Variants in PLCB4 observed in about 807,000 individuals in gnomAD.
PLCB4 encodes 1-phosphatidylinositol 4,5-bisphosphate phosphodiesterase beta-4.
In PLCB4, 77 loss-of-function variants were observed where a neutral mutation model predicts 178.8. That is an observed-to-expected ratio of 0.43 (90% CI 0.36 to 0.52). PLCB4 has a LOEUF of 0.52. PLCB4 is among the 20% of genes least tolerant of loss of function. PLCB4 has a pLI of 0.00. For synonymous variants in PLCB4, 496 were observed against 490.8 expected, an observed-to-expected ratio of 1.01 and a Z score of -0.14; for missense variants, 1,024 against 1,453.4, an observed-to-expected ratio of 0.70 and a Z score of 4.80.
intron 34 of PLCB4, among the ~76,000 whole-genome samples, chr20:9,459,351 A>AAAAC (rs11472100): frequency 0.11 from 17,285 of 152,042 alleles, 1,265 homozygotes; most frequent in East Asian, 0.29. Flanking sequence ...CTAAAAAAAC[A>AAAAC]AAACAAACAA....
chr20:9,393,795 G>C (rs944733135), intron 18 of PLCB4, 117 bp downstream of exon 18: 9 of 590,236 alleles, frequency 1.5e-5, no homozygotes, highest in African/African-American at 1.5e-4. Context: ...GTGTAGGGGT[G>C]ATGTTACAGG....
intron 1 of PLCB4, among the ~76,000 whole-genome samples, chr20:9,089,432 C>T (rs759132897): frequency 6.6e-6 from 1 of 151,966 alleles, no homozygotes; most frequent in African/African-American, 2.4e-5. Context: ...TACCTTTAAT[C>T]TAATTATAAT....
At chr20:9,177,432 G>A (rs1281972637) in intron 2 of PLCB4, among the ~76,000 whole-genome samples, 1 of 152,174 alleles carries the variant, frequency 6.6e-6, no homozygotes, top group Non-Finnish European at 1.5e-5. Flanking sequence ...ACTGAGACAG[G>A]GCCAAGGTGC....
At chr20:9,459,230 G>A (rs1433171092) in intron 34 of PLCB4, among the ~76,000 whole-genome samples, 1 of 152,144 alleles carries the variant, frequency 6.6e-6, no homozygotes, top group Non-Finnish European at 1.5e-5. Context: ...TGTAATCCCA[G>A]CTACTTGGGA....
At chr20:9,301,661 G>C (rs2094705495) in intron 3 of PLCB4, among the ~76,000 whole-genome samples, 1 of 152,026 alleles carries the variant, frequency 6.6e-6, no homozygotes, top group Non-Finnish European at 1.5e-5. Context: ...TTGAATATTT[G>C]GCCCCTCGAC....
intron 2 of PLCB4, among the ~76,000 whole-genome samples, chr20:9,111,359 TA>T (rs1013418698): frequency 3.4e-4 from 51 of 152,154 alleles, no homozygotes; most frequent in African/African-American, 1.2e-3. Context: ...TTTTCCTACT[TA>T]ATATATTATG....
intron 25 of PLCB4, among the ~76,000 whole-genome samples, chr20:9,418,971 A>T (rs984473378): frequency 4.6e-5 from 7 of 152,172 alleles, no homozygotes; most frequent in Admixed American, 2.0e-4. Flanking sequence ...GTTCATTGTC[A>T]TTGTATAGAA....
chr20:9,414,559 A>G (rs1399365707), intron 25 of PLCB4, among the ~76,000 whole-genome samples: 1 of 152,204 alleles, frequency 6.6e-6, no homozygotes, highest in African/African-American at 2.4e-5. Context: ...GAGGCAAAGA[A>G]TCCCTGTTTT....
chr20:9,259,740 A>C (rs1292071558), intron 3 of PLCB4, among the ~76,000 whole-genome samples: 1 of 152,140 alleles, frequency 6.6e-6, no homozygotes, highest in Non-Finnish European at 1.5e-5. Flanking sequence ...ACTGAAAGGC[A>C]GCTAGTCCAA....
At position 9,168,745 on chromosome 20, in the gene PLCB4, G is replaced by A. The variant is rs2093014752; in HGVS notation, c.-78-48645G>A. Among the ~76,000 whole-genome samples the A allele has an allele frequency of 4.6e-5, 7 of 152,332 alleles. 1 individual carries two copies. In the South Asian group the frequency reaches 1.2e-3, roughly 27 times the overall value. Reference sequence around the variant, plus strand: ...AGTTTGCGAAGCTCATGACTGAGATGTGATTGAGGGGAATCGACTAGCTGG... The same window carrying A: ...AGTTTGCGAAGCTCATGACTGAGATATGATTGAGGGGAATCGACTAGCTGG... On this transcript the variant is annotated intron_variant, in intron 2 of 39. Transcript: ENST00000378473.
In PLCB4 at chr20:9,476,703, T is replaced by G. The variant is rs2044570085; in HGVS notation, c.3496-14T>G. The G allele has an allele frequency of 2.5e-6, 4 of 1,591,604 alleles. No homozygotes were observed. The highest frequency in any genetic ancestry group is 3.4e-6 in the Non-Finnish European group (4 of 1,159,986). On this transcript the variant is annotated splice_polypyrimidine_tract_variant and intron_variant, in intron 38 of 39. Coordinates refer to ENST00000378473, the MANE Select transcript of PLCB4 (RefSeq NM_001377142.1). Reference sequence around the variant, plus strand: ...TATGACTCAATTTTGACATTACTATTTTTGTACAAACAGCTTTTGAAATCC... The same window carrying G: ...TATGACTCAATTTTGACATTACTATGTTTGTACAAACAGCTTTTGAAATCC...
chr20:9,405,872 ACAGG>A (rs2039398260), intron 21 of PLCB4, among the ~76,000 whole-genome samples: 1 of 152,254 alleles, frequency 6.6e-6, no homozygotes, highest in Admixed American at 6.5e-5. Context: ...GCTGACAGCC[ACAGG>A]CAGAAGTTTG....
intron 2 of PLCB4, among the ~76,000 whole-genome samples, chr20:9,104,736 C>T (rs1019062129): frequency 6.6e-6 from 1 of 151,824 alleles, no homozygotes; most frequent in African/African-American, 2.4e-5. Context: ...TTCTCTCTTC[C>T]CAGAATATTA....
At chr20:9,403,116 G>A (rs2039164668) in intron 20 of PLCB4, among the ~76,000 whole-genome samples, 1 of 152,114 alleles carries the variant, frequency 6.6e-6, no homozygotes, top group Non-Finnish European at 1.5e-5. Context: ...GGTAACTCCT[G>A]TAAAGGTATT....
intron 13 of PLCB4, among the ~76,000 whole-genome samples, chr20:9,382,094 C>G (rs956526353): frequency 2.6e-5 from 4 of 152,162 alleles, no homozygotes; most frequent in African/African-American, 9.7e-5. Context: ...TAGATATGTT[C>G]CTTTCAAAGC....
chr20:9,199,037 G>T lies in PLCB4; in HGVS notation c.-78-18353G>T, dbSNP rs6039411. ...AGGATTTCAGAAGTGCTTGGATAAG[G>T]TTGGTCTATACTCTTAACATGGTGT... On this transcript the variant is annotated intron_variant, in intron 2 of 39. Coordinates refer to ENST00000378473, the MANE Select transcript of PLCB4 (RefSeq NM_001377142.1). 5.4e-3 allele frequency among the ~76,000 whole-genome samples: 821 copies of T among 152,318 alleles called. 10 individuals are homozygous for T. Among genetic ancestry groups the T allele is most frequent in the African/African-American group, 0.019 (789 of 41,578 alleles).
intron 2 of PLCB4, among the ~76,000 whole-genome samples, chr20:9,186,735 C>T (rs1007616351): frequency 2.6e-5 from 4 of 152,064 alleles, no homozygotes; most frequent in Non-Finnish European, 5.9e-5. Flanking sequence ...TCTGCAGGTG[C>T]CTTCTACTTC....
intron 2 of PLCB4, among the ~76,000 whole-genome samples, chr20:9,183,946 A>G (rs1171290676): frequency 6.6e-6 from 1 of 152,220 alleles, no homozygotes; most frequent in Admixed American, 6.5e-5. Flanking sequence ...AAAAAATTCT[A>G]TAGTAAATAT....
chr20:9,416,162 A>G (rs1244318666), intron 25 of PLCB4, among the ~76,000 whole-genome samples: 2 of 152,154 alleles, frequency 1.3e-5, no homozygotes, highest in East Asian at 3.9e-4. Context: ...TTCCCCTGCC[A>G]TTTCTCATTT....
Sources: gnomAD v4.1 joint callset for allele counts (sites outside exome capture counted in the v4.1 genomes callset) on GRCh38, gnomAD v4.1.1 for gene constraint, MANE v1.5 for transcripts, NCBI Gene and HGNC (gene_info 2026-07-23, HGNC 2026-07-21) for gene names.